CTNNAL1: variants seen among roughly 807,000 people sequenced by gnomAD.
The protein encoded by CTNNAL1 is catenin alpha like 1, also known as alpha-catulin.
Under a neutral mutation model 93.6 loss-of-function variants are expected in CTNNAL1, and 69 were observed. The ratio of observed to expected loss-of-function variants is 0.74; its 90% CI spans 0.61 to 0.90. The LOEUF is 0.90. Ranked by LOEUF, CTNNAL1 falls within the 40% of genes least tolerant of loss-of-function variation. The probability of loss-of-function intolerance (pLI) is 0.00; values close to 1 mark genes in which losing one functional copy is unlikely to be tolerated. For synonymous variants in CTNNAL1, 286 were observed against 305.4 expected (o/e 0.94, Z 0.66); for missense variants, 836 against 862.0 (o/e 0.97, Z 0.38).
chr9:109,000,419 C>A (rs1826759916), intron 1 of CTNNAL1, among the ~76,000 whole-genome samples: 1 of 152,116 alleles, frequency 6.6e-6, no homozygotes, highest in South Asian at 2.1e-4. Context: ...TAACAATCAA[C>A]AAGAAAGAAA....
At chr9:108,999,338 C>G (rs773778884) in intron 1 of CTNNAL1, 82 bp from the exon 2 acceptor site, 36 of 1,380,676 alleles carry the variant, frequency 2.6e-5, no homozygotes, top group Non-Finnish European at 3.3e-5. Context: ...GAAAATGAAG[C>G]CTGGCATACT....
intron 17 of CTNNAL1, among the ~76,000 whole-genome samples, chr9:108,943,376 G>A (rs1830303534): frequency 6.6e-6 from 1 of 152,134 alleles, no homozygotes; most frequent in Non-Finnish European, 1.5e-5. Flanking sequence ...TCTATTTTGT[G>A]GGCACAAACC....
Position 108,979,335 on chromosome 9 carries a change from C to T in CTNNAL1, c.1047G>A (p.Leu349=). Residue 349 remains leucine (L), a synonymous_variant, in exon 7 of 19, where the codon CTG becomes CTA. Transcript: ENST00000325551. The part of the protein sequence containing the change: ...SHEHRERILE[L]STQARMELQQ... ...GCAGTTCCATTCTCGCCTGAGTTGA[C>T]AGTTCCAAGATGCGTTCTCTGTGCT... is the stretch of plus-strand genomic sequence containing the variant. The T allele has an allele frequency of 6.2e-7, 1 of 1,614,180 alleles. No homozygotes were observed. The highest frequency in any genetic ancestry group is 8.5e-7 in the Non-Finnish European group (1 of 1,180,024).
At position 108,976,986 on chromosome 9, in the gene CTNNAL1, G is replaced by A. The variant is rs1441778926; in HGVS notation, c.1164C>T (p.His388=). The A allele has an allele frequency of 2.0e-6, 3 of 1,504,496 alleles. No homozygotes were observed. The highest frequency in any genetic ancestry group is 2.4e-5 in the Admixed American group (1 of 41,758). The allele number at this position is 1,504,496 out of a possible 1,614,324, so 93.2% of individuals were successfully genotyped here. The change falls in exon 8 of 19, where the codon CAC becomes CAT. Residue 388 remains histidine (H), a synonymous_variant. Transcript: ENST00000325551. ...CTTCTTTCTTAAGTTCATTAAGACT[G>A]TGACTGATTTTCAAAATACTGAGTT... ...ELELSILKIS[H]SLNELKKELH...
Position 108,976,973 on chromosome 9 carries a change from G to T in CTNNAL1, c.1177C>A (p.Leu393Ile). The change falls in exon 8 of 19, where the codon CTT (leucine) becomes ATT (isoleucine). Residue 393 changes from leucine to isoleucine, a missense_variant. Coordinates refer to ENST00000325551, the MANE Select transcript of CTNNAL1 (RefSeq NM_003798.4). The stretch of plus-strand genomic sequence containing the variant: ...CAAACTATACTTACTTCTTTCTTAA[G>T]TTCATTAAGACTGTGACTGATTTTC... ...ILKISHSLNE[L>I]KKELHSTATQ... 4.9e-6 allele frequency: 7 copies of T among 1,436,420 alleles called. No individual in the cohort carries two copies. Among genetic ancestry groups the T allele is most frequent in the Non-Finnish European group, 6.6e-6 (7 of 1,067,468 alleles). The allele number at this position is 1,436,420 out of a possible 1,614,324, so 89.0% of individuals were successfully genotyped here.
intron 1 of CTNNAL1, among the ~76,000 whole-genome samples, chr9:109,010,805 G>A (rs186383818): frequency 4.6e-5 from 7 of 152,274 alleles, no homozygotes; most frequent in Admixed American, 2.6e-4. Flanking sequence ...ACTTTAAACC[G>A]TATAGTGCCA....
chr9:108,950,088 T>C (rs1006223651), intron 14 of CTNNAL1, among the ~76,000 whole-genome samples: 15 of 151,322 alleles, frequency 9.9e-5, no homozygotes, highest in Non-Finnish European at 2.2e-4. Context: ...ATATTTTACA[T>C]ATCAAACTAT....
intron 1 of CTNNAL1, among the ~76,000 whole-genome samples, chr9:109,008,145 C>T (rs2132222403): frequency 6.8e-6 from 1 of 148,000 alleles, no homozygotes; most frequent in Admixed American, 6.9e-5. Context: ...CATTCCAATC[C>T]ATCTTTCTTT....
chr9:108,967,667 G>T (rs1303370478), intron 10 of CTNNAL1, among the ~76,000 whole-genome samples: 2 of 152,222 alleles, frequency 1.3e-5, no homozygotes, highest in African/African-American at 4.8e-5. Flanking sequence ...CACTGAAAAG[G>T]TGAGGGAGCT....
chr9:108,981,716 G>A (rs145378531), intron 6 of CTNNAL1, among the ~76,000 whole-genome samples: 5,711 of 152,158 alleles, frequency 0.038, 148 homozygotes, highest in Admixed American at 0.079. Flanking sequence ...CCTGAGGTCC[G>A]GAGTTCGAGA....
chr9:108,991,661 T>C (rs931583882), intron 3 of CTNNAL1, among the ~76,000 whole-genome samples: 3 of 152,198 alleles, frequency 2.0e-5, no homozygotes, highest in African/African-American at 7.2e-5. Flanking sequence ...ATAAGGCACG[T>C]TGCCACCACT....
At chr9:108,980,941 C>G (rs1831409088) in intron 6 of CTNNAL1, among the ~76,000 whole-genome samples, 1 of 151,998 alleles carries the variant, frequency 6.6e-6, no homozygotes, top group African/African-American at 2.4e-5. Flanking sequence ...ATTCATGGTA[C>G]CAAATACAGC....
At chr9:108,972,864 G>GGGGGGGGGGGAGA in intron 8 of CTNNAL1, 31 bp from the exon 9 acceptor site, 1 of 142,590 alleles carries the variant, frequency 7.0e-6, no homozygotes, top group Non-Finnish European at 1.0e-5. Context: ...GGGGGGGTGG[G>GGGGGGGGGGGAGA]AGGGTGGAGA....
At chr9:108,986,612 C>T (rs1831616632) in intron 4 of CTNNAL1, among the ~76,000 whole-genome samples, 1 of 151,370 alleles carries the variant, frequency 6.6e-6, no homozygotes, top group Admixed American at 6.6e-5. Context: ...CACTGACTTC[C>T]ACAATGGTTG....
At chr9:108,972,864 G>GGTGCCCC in intron 8 of CTNNAL1, 31 bp from the exon 9 acceptor site, 1 of 142,590 alleles carries the variant, frequency 7.0e-6, no homozygotes, top group Non-Finnish European at 1.0e-5. Flanking sequence ...GGGGGGGTGG[G>GGTGCCCC]AGGGTGGAGA....
intron 11 of CTNNAL1, among the ~76,000 whole-genome samples, chr9:108,956,086 G>T (rs111599558): frequency 5.9e-5 from 9 of 152,330 alleles, no homozygotes; most frequent in African/African-American, 2.2e-4. Flanking sequence ...AAAGGCAAAT[G>T]TCCCACTGAC....
chr9:108,952,276 C>T lies in CTNNAL1; in HGVS notation c.1768G>A (p.Glu590Lys). The stretch of plus-strand genomic sequence containing the variant: ...CGTCCATATTGAACAATCTCATTCT[C>T]CTGATCTTCCCACTTCTCAATTTCG... ...DCEIEKWEDQ[E>K]NEIVQYGRNM... Residue 590 changes from glutamate (E) to lysine (K), a missense_variant, in exon 14 of 19, where the codon GAG becomes AAG. Glu to Lys is a moderately conservative substitution (Grantham distance 56). Transcript: ENST00000325551. The T allele has an allele frequency of 6.2e-7, 1 of 1,614,212 alleles. No homozygotes were observed. Among genetic ancestry groups the T allele is most frequent in the Admixed American group, 1.7e-5 (1 of 60,024 alleles).
chr9:108,972,865 A>AGGGGGAG, intron 8 of CTNNAL1, 32 bp from the exon 9 acceptor site: 1 of 219,282 alleles, frequency 4.6e-6, no homozygotes, highest in Non-Finnish European at 6.2e-6. Flanking sequence ...GGGGGGTGGG[A>AGGGGGAG]GGGTGGAGAA....
chr9:108,968,544 G>A (rs1327289599), intron 10 of CTNNAL1, among the ~76,000 whole-genome samples: 1 of 152,202 alleles, frequency 6.6e-6, no homozygotes, highest in African/African-American at 2.4e-5. Context: ...TACTTTTGCA[G>A]CCAAGGCAAG....
Sources: allele counts gnomAD v4.1 joint callset (sites outside exome capture counted in the v4.1 genomes callset), GRCh38; gene constraint gnomAD v4.1.1; transcripts MANE v1.5; gene names NCBI Gene and HGNC (gene_info 2026-07-23, HGNC 2026-07-21).